Variants in IQCM observed in about 807,000 individuals in gnomAD.
IQCM encodes IQ motif containing M, also known as IQ domain-containing protein M.
Under a neutral mutation model 57.6 loss-of-function variants are expected in IQCM, and 45 were observed. The observed-to-expected ratio is 0.78, with a 90% CI of 0.62 to 1.00. The LOEUF is 1.00. Among genes scored for constraint, IQCM ranks in the 50% least tolerant of loss-of-function variants. IQCM has a pLI of 0.00. For missense variants in IQCM, 468 were observed against 511.6 expected (o/e 0.91, Z 0.82); for synonymous variants, 148 against 158.9 (o/e 0.93, Z 0.51).
intron 8 of IQCM, among the ~76,000 whole-genome samples, chr4:149,620,076 A>G (rs891325445): frequency 6.6e-6 from 1 of 152,116 alleles, no homozygotes; most frequent in Non-Finnish European, 1.5e-5. Context: ...AGAATCACTT[A>G]AACCCGGCAG....
chr4:149,610,667 G>T (rs1164150590), intron 8 of IQCM, among the ~76,000 whole-genome samples: 1 of 151,886 alleles, frequency 6.6e-6, no homozygotes, highest in East Asian at 1.9e-4. Flanking sequence ...AACATCCATA[G>T]GCAGAAGAAT....
chr4:149,444,034 T>C (rs1018087721), intron 12 of IQCM, among the ~76,000 whole-genome samples: 5 of 151,866 alleles, frequency 3.3e-5, no homozygotes, highest in African/African-American at 9.7e-5. Flanking sequence ...AAATAATGCA[T>C]AATAATTCCT....
chr4:149,354,069 A>T (rs1728755051), intron 13 of IQCM, among the ~76,000 whole-genome samples: 1 of 152,152 alleles, frequency 6.6e-6, no homozygotes. Context: ...CTTATTTTTT[A>T]AAACTGACAA....
At chr4:149,407,926 T>C (rs1733099258) in intron 13 of IQCM, among the ~76,000 whole-genome samples, 1 of 152,292 alleles carries the variant, frequency 6.6e-6, no homozygotes. Context: ...GATATCTCCA[T>C]ACAGTTTTGT....
At chr4:149,787,330 A>C (rs1772166125) in intron 2 of IQCM, among the ~76,000 whole-genome samples, 1 of 152,098 alleles carries the variant, frequency 6.6e-6, no homozygotes, top group African/African-American at 2.4e-5. Context: ...AATAAAATAA[A>C]ATACATCATT....
At chr4:149,809,323 A>T (rs1426532278) in intron 2 of IQCM, among the ~76,000 whole-genome samples, 2 of 152,098 alleles carry the variant, frequency 1.3e-5, no homozygotes, top group African/African-American at 4.8e-5. Context: ...CACTATAATA[A>T]AAACAGATAG....
At chr4:149,778,000 C>T (rs759847707) in intron 2 of IQCM, among the ~76,000 whole-genome samples, 2 of 152,110 alleles carry the variant, frequency 1.3e-5, no homozygotes, top group Non-Finnish European at 2.9e-5. Context: ...TCTCCAAACC[C>T]ATGGAAACTA....
chr4:149,435,674 T>C (rs974424641), intron 12 of IQCM, among the ~76,000 whole-genome samples: 2 of 151,976 alleles, frequency 1.3e-5, no homozygotes, highest in Non-Finnish European at 2.9e-5. Context: ...ATGCTGCTAT[T>C]GGCCCTGAAG....
intron 5 of IQCM, among the ~76,000 whole-genome samples, chr4:149,731,553 T>C (rs1766460599): frequency 6.6e-6 from 1 of 152,208 alleles, no homozygotes; most frequent in Non-Finnish European, 1.5e-5. Context: ...TTTTGTCCAG[T>C]TTCTCAGTCT....
intron 13 of IQCM, among the ~76,000 whole-genome samples, chr4:149,402,004 A>G (rs1455047462): frequency 6.6e-6 from 1 of 151,870 alleles, no homozygotes; most frequent in African/African-American, 2.4e-5. Flanking sequence ...ATACACGGAT[A>G]TAAGTTGTAA....
chr4:149,551,486 C>T (rs565874464), intron 11 of IQCM, among the ~76,000 whole-genome samples: 14 of 151,600 alleles, frequency 9.2e-5, no homozygotes, highest in African/African-American at 2.9e-4. Context: ...CATTCCATAA[C>T]GTTAAAAAAT....
intron 12 of IQCM, among the ~76,000 whole-genome samples, chr4:149,491,112 AC>A (rs1266759625): frequency 6.6e-6 from 1 of 152,022 alleles, no homozygotes. Context: ...ACCAGCTTTG[AC>A]TTTTGAACTC....
chr4:149,589,848 C>T (rs975593984), intron 8 of IQCM, among the ~76,000 whole-genome samples: 1 of 151,874 alleles, frequency 6.6e-6, no homozygotes. Flanking sequence ...TAAATGTTAC[C>T]CTCAAGATGT....
intron 2 of IQCM, among the ~76,000 whole-genome samples, chr4:149,812,503 GACACACACACACACACACAC>G (rs71596217): frequency 7.6e-6 from 1 of 132,012 alleles, no homozygotes; most frequent in Non-Finnish European, 1.7e-5. Flanking sequence ...CACACACACA[GACACACACACACACACACAC>G]ACACACTATC....
chr4:149,564,186 C>T (rs1043722305), intron 9 of IQCM, among the ~76,000 whole-genome samples: 2 of 152,256 alleles, frequency 1.3e-5, no homozygotes, highest in African/African-American at 2.4e-5. Flanking sequence ...TCATATGACA[C>T]GGCAGTTTAG....
chr4:149,710,098 A>G (rs543226101), intron 5 of IQCM, among the ~76,000 whole-genome samples: 1 of 152,282 alleles, frequency 6.6e-6, no homozygotes, highest in South Asian at 2.1e-4. Context: ...GAAAAGTTAT[A>G]CACTCATTTG....
At chr4:149,442,623 G>A (rs1736060567) in intron 12 of IQCM, among the ~76,000 whole-genome samples, 1 of 151,746 alleles carries the variant, frequency 6.6e-6, no homozygotes, top group Non-Finnish European at 1.5e-5. Flanking sequence ...ATTTCCTCTT[G>A]GGCTCTCAAT....
intron 12 of IQCM, among the ~76,000 whole-genome samples, chr4:149,516,276 C>A (rs370369530): frequency 3.1e-4 from 47 of 152,220 alleles, no homozygotes; most frequent in Non-Finnish European, 2.4e-4. Context: ...TAGACACTTA[C>A]TCTGGATATG....
intron 5 of IQCM, among the ~76,000 whole-genome samples, chr4:149,705,595 G>A (rs1347664928): frequency 6.6e-6 from 1 of 151,580 alleles, no homozygotes; most frequent in Non-Finnish European, 1.5e-5. Context: ...ATATCAATAG[G>A]CAAAAATTAT....
Sources: allele counts gnomAD v4.1 joint callset (sites outside exome capture counted in the v4.1 genomes callset), GRCh38; gene constraint gnomAD v4.1.1; transcripts MANE v1.5; gene names NCBI Gene and HGNC (gene_info 2026-07-23, HGNC 2026-07-21).